INPP5K: variants seen among roughly 807,000 people sequenced by gnomAD.
The protein encoded by INPP5K is inositol polyphosphate 5-phosphatase K.
In INPP5K, 35 loss-of-function variants were observed where a neutral mutation model predicts 53.5. That is an observed-to-expected ratio of 0.65 (90% CI 0.50 to 0.87). The LOEUF (loss-of-function observed/expected upper bound fraction) is 0.87. INPP5K is among the 40% of genes least tolerant of loss of function. The pLI is 0.00. For synonymous variants in INPP5K, 253 were observed against 232.8 expected, an observed-to-expected ratio of 1.09 and a Z score of -0.79; for missense variants, 550 against 586.2, an observed-to-expected ratio of 0.94 and a Z score of 0.64.
intron 1 of INPP5K, chr17:1,516,156 C>G: frequency 8.1e-7 from 1 of 1,241,088 alleles, no homozygotes; most frequent in Non-Finnish European, 1.0e-6. Context: ...AACCGAGAGC[C>G]GAAGGGTGAC....
chr17:1,509,716 A>C lies in INPP5K; in HGVS notation c.345T>G (p.Thr115=). ...CAAACAGGCCAGTGGGGGTGGATTT[A>C]GTAGACAGAATCTGGATATAGGGCA... ...QHLPYIQILS[T]KSTPTGLFGY... is the part of the protein sequence containing the mutation. Residue 115 remains threonine, a synonymous_variant, in exon 4 of 12, where the codon ACT becomes ACG. Coordinates refer to ENST00000421807, the MANE Select transcript of INPP5K (RefSeq NM_016532.4). 6.2e-7 allele frequency: 1 copy of C among 1,613,022 alleles called. No individual in the cohort carries two copies. The highest frequency in any genetic ancestry group is 8.5e-7 in the Non-Finnish European group (1 of 1,179,036).
chr17:1,512,175 G>T (rs2075324712), intron 3 of INPP5K, among the ~76,000 whole-genome samples: 1 of 152,224 alleles, frequency 6.6e-6, no homozygotes, highest in African/African-American at 2.4e-5. Flanking sequence ...GGCCACATGG[G>T]TAGAAAGGGC....
chr17:1,508,893 C>T lies in INPP5K; in HGVS notation c.554+285G>A, dbSNP rs78129553. On this transcript the variant is annotated intron_variant, in intron 5 of 11. Coordinates refer to ENST00000421807, the MANE Select transcript of INPP5K (RefSeq NM_016532.4). Reference sequence around the variant, plus strand: ...TCTGCAGACCCAGGCTCACTCGTGGCGGTCAGCGTGGGGCAGAGGGCGGGG... The same window carrying T: ...TCTGCAGACCCAGGCTCACTCGTGGTGGTCAGCGTGGGGCAGAGGGCGGGG... The T allele has an allele frequency of 6.1e-4, 83 of 135,256 alleles. 2 individuals carry two copies. Among genetic ancestry groups the T allele is most frequent in the African/African-American group, 4.7e-3 (63 of 13,364 alleles). 8.4% of individuals were successfully genotyped at this position (135,256 alleles called of 1,614,324 possible).
chr17:1,502,893 GTTT>G lies in INPP5K; in HGVS notation c.776+4084_776+4086del, dbSNP rs533148973. ...TCAGGGGTACACACCATGCCCAGCT[GTTT>G]TTTTTTTCTTTTTAAGACAGGGTCT... is the stretch of plus-strand genomic sequence containing the variant. On this transcript the variant is annotated intron_variant, in intron 7 of 11. Transcript: ENST00000421807. 5.0e-3 allele frequency among the ~76,000 whole-genome samples: 738 copies of G among 147,978 alleles called. 2 individuals carry two copies. Among genetic ancestry groups the G allele is most frequent in the Admixed American group, 9.4e-3 (140 of 14,834 alleles).
chr17:1,511,549 A>C (rs1192708383), intron 3 of INPP5K, among the ~76,000 whole-genome samples: 1 of 152,190 alleles, frequency 6.6e-6, no homozygotes, highest in Admixed American at 6.5e-5. Context: ...GCGGAGTCGA[A>C]GCAGGGGGAA....
chr17:1,515,855 C>CT, intron 1 of INPP5K: 1 of 952,134 alleles, frequency 1.1e-6, no homozygotes, highest in South Asian at 4.8e-5. Flanking sequence ...GAACAAAGAC[C>CT]TTTTACTCAG....
At chr17:1,506,483 G>A (rs1052414803) in intron 7 of INPP5K, among the ~76,000 whole-genome samples, 64 of 152,128 alleles carry the variant, frequency 4.2e-4, no homozygotes, top group African/African-American at 1.2e-3. Context: ...AGACAGAGCC[G>A]TGCTTCTAAC....
intron 7 of INPP5K, among the ~76,000 whole-genome samples, chr17:1,506,451 C>G (rs2075156954): frequency 6.6e-6 from 1 of 152,186 alleles, no homozygotes; most frequent in Non-Finnish European, 1.5e-5. Flanking sequence ...AAAATCAAGG[C>G]CTAAACGCTT....
At chr17:1,503,734 C>T (rs2075090119) in intron 7 of INPP5K, among the ~76,000 whole-genome samples, 1 of 152,046 alleles carries the variant, frequency 6.6e-6, no homozygotes, top group South Asian at 2.1e-4. Context: ...AAATAAAACA[C>T]TTTGTCTGGG....
At position 1,514,905 on chromosome 17, in the gene INPP5K, C is replaced by CTT. The variant is rs774754833; in HGVS notation, c.45-928_45-927dup. On this transcript the variant is annotated intron_variant, in intron 1 of 11. Transcript: ENST00000421807. ...AATTTTGCCAAGCACTTCAGCGAGA[C>CTT]TTTTTTTTTTTTTTTTTTTGAGACT... is the stretch of plus-strand genomic sequence containing the variant. 5.6e-4 allele frequency among the ~76,000 whole-genome samples: 75 copies of CTT among 134,436 alleles called. 1 individual carries two copies. Among genetic ancestry groups the CTT allele is most frequent in the South Asian group, 1.6e-3 (7 of 4,276 alleles). The allele number at this position is 134,436 out of a possible 152,430, so 88.2% of individuals were successfully genotyped here.
rs146788270 is a variant in INPP5K, at chr17:1,511,410, G to A, written c.262-1611C>T. ...TCTCAGGTTCAGGCTGTCTACCACC[G>A]GCACCCGAGGAGCCGTTTCCGGAGA... On this transcript the variant is annotated intron_variant, in intron 3 of 11. Coordinates refer to ENST00000421807, the MANE Select transcript of INPP5K (RefSeq NM_016532.4). Among the ~76,000 whole-genome samples the A allele has an allele frequency of 3.4e-3, 522 of 152,324 alleles. 5 individuals carry two copies. Among genetic ancestry groups the A allele is most frequent in the Non-Finnish European group, 4.9e-3 (332 of 68,026 alleles).
At chr17:1,510,065 TG>T (rs1431496379) in intron 3 of INPP5K, among the ~76,000 whole-genome samples, 3 of 152,274 alleles carry the variant, frequency 2.0e-5, no homozygotes, top group Non-Finnish European at 4.4e-5. Context: ...CTAAGGATAC[TG>T]GCTTTGAAGT....
intron 1 of INPP5K, chr17:1,515,863 C>T (rs1598396343): frequency 3.1e-6 from 3 of 963,904 alleles, no homozygotes; most frequent in Non-Finnish European, 2.5e-6. Context: ...ACCTTTTACT[C>T]AGAGACTTCT....
intron 7 of INPP5K, among the ~76,000 whole-genome samples, chr17:1,499,234 C>T (rs1212392523): frequency 2.0e-5 from 3 of 152,190 alleles, no homozygotes; most frequent in African/African-American, 7.2e-5. Context: ...GACTGAGAGG[C>T]CGCGCGCGGT....
intron 3 of INPP5K, among the ~76,000 whole-genome samples, chr17:1,513,004 T>C (rs887956083): frequency 3.3e-5 from 5 of 152,242 alleles, no homozygotes; most frequent in African/African-American, 1.2e-4. Flanking sequence ...AAAATATCTC[T>C]ATTTCAACAG....
At chr17:1,497,880 G>A in intron 8 of INPP5K, 56 bp downstream of exon 8, 1 of 1,461,580 alleles carries the variant, frequency 6.8e-7, no homozygotes, top group South Asian at 1.2e-5. Flanking sequence ...GAGGGCTTGG[G>A]GATGTGGCCA....
At position 1,513,541 on chromosome 17, in the gene INPP5K, C is replaced by T; in HGVS notation, c.173G>A (p.Gly58Glu). The change falls in exon 3 of 12, where the codon GGG becomes GAG. Residue 58 changes from glycine (G) to glutamate (E), a missense_variant. Physicochemically the swap from Gly to Glu is moderately conservative, Grantham distance 98. Coordinates refer to ENST00000421807, the MANE Select transcript of INPP5K (RefSeq NM_016532.4). ...YVIGLQELNS[G>E]IISLLSDAAF... ...AGCATCGGAAAGGAGGCTTATGATC[C>T]CAGAGTTCAATTCCTGCAAACTGAC... 1 of 1,614,220 alleles carries T rather than the reference C, an allele frequency of 6.2e-7. No individual in the cohort carries two copies. Among genetic ancestry groups the T allele is most frequent in the Non-Finnish European group, 8.5e-7 (1 of 1,180,034 alleles).
Position 1,496,358 on chromosome 17 carries a change from G to T in INPP5K, c.1146C>A (p.Val382=). 6.4e-7 allele frequency: 1 copy of T among 1,564,152 alleles called. No individual in the cohort carries two copies. The highest frequency in any genetic ancestry group is 1.2e-5 in the South Asian group (1 of 85,100). The change falls in exon 10 of 12, where the codon GTC becomes GTA. Residue 382 remains valine (V), a synonymous_variant. Coordinates refer to ENST00000421807, the MANE Select transcript of INPP5K (RefSeq NM_016532.4). ...DVNDYVSYAW[V]GDSKVSCSDN... The stretch of plus-strand genomic sequence containing the variant: ...CGCTGCAGGAGACCTTGCTGTCCCC[G>T]ACCCAGGCATAGGACACGTAGTCAT...
Position 1,513,545 on chromosome 17 carries a change from A to C in INPP5K, c.169T>G (p.Ser57Ala), listed in dbSNP as rs202042543. Residue 57 changes from serine to alanine, a missense_variant, in exon 3 of 12, where the codon TCT becomes GCT. Ser to Ala is a moderately conservative substitution (Grantham distance 99, BLOSUM62 1). Transcript: ENST00000421807. The part of the protein sequence containing the change: ...IYVIGLQELN[S>A]GIISLLSDAA... ...TCGGAAAGGAGGCTTATGATCCCAG[A>C]GTTCAATTCCTGCAAACTGACCATG... is the stretch of plus-strand genomic sequence containing the variant. 1,684 of 1,614,238 alleles carry C rather than the reference A, an allele frequency of 1.0e-3. 24 individuals are homozygous for C. The South Asian group carries it at 0.016, about 16-fold the overall frequency.
Sources: gnomAD v4.1 joint callset for allele counts (sites outside exome capture counted in the v4.1 genomes callset) on GRCh38, gnomAD v4.1.1 for gene constraint, MANE v1.5 for transcripts, NCBI Gene and HGNC (gene_info 2026-07-23, HGNC 2026-07-21) for gene names.